PLEKHH2: variants seen among roughly 807,000 people sequenced by gnomAD.
PLEKHH2 encodes the protein pleckstrin homology domain-containing family H member 2.
PLEKHH2 carries 129 observed loss-of-function variants against 187.9 expected under a neutral mutation model. That is an observed-to-expected ratio of 0.69 (90% CI 0.59 to 0.79). The LOEUF (loss-of-function observed/expected upper bound fraction) is 0.79, where lower values mean the gene tolerates loss of function less well. PLEKHH2 is among the 30% of genes least tolerant of loss of function. The probability of loss-of-function intolerance (pLI) is 0.00; values close to 1 mark genes in which losing one functional copy is unlikely to be tolerated. For missense variants in PLEKHH2, 2,076 were observed against 1,751.2 expected (o/e 1.19, Z -3.31); for synonymous variants, 686 against 605.6 (o/e 1.13, Z -1.95).
At chr2:43,730,881 C>G (rs1671004132) in intron 18 of PLEKHH2, among the ~76,000 whole-genome samples, 2 of 152,200 alleles carry the variant, frequency 1.3e-5, no homozygotes, top group South Asian at 4.1e-4. Flanking sequence ...TTGGCTTCTC[C>G]TCTCTAGAGA....
intron 19 of PLEKHH2, among the ~76,000 whole-genome samples, chr2:43,734,053 C>T (rs1671176069): frequency 6.6e-6 from 1 of 152,118 alleles, no homozygotes; most frequent in South Asian, 2.1e-4. Flanking sequence ...TGTCCCAAAG[C>T]ATAGAAAAAG....
At chr2:43,754,519 A>G (rs748744669) in intron 25 of PLEKHH2, among the ~76,000 whole-genome samples, 12 of 152,192 alleles carry the variant, frequency 7.9e-5, no homozygotes, top group East Asian at 3.9e-4. Context: ...GGCCTTGCCT[A>G]CTACCTACCA....
At position 43,700,358 on chromosome 2, in the gene PLEKHH2, G is replaced by T. The variant is rs903639701; in HGVS notation, c.1400G>T (p.Arg467Met). The change falls in exon 8 of 30, where the codon AGG (arginine) becomes ATG (methionine). Residue 467 changes from arginine (R) to methionine (M), a missense_variant. Arg to Met is a moderately conservative substitution (Grantham distance 91). Transcript: ENST00000282406. ...HLSQPQLSSD[R>M]MFGTNRNAIS... is the part of the protein sequence containing the mutation. ...AGCCAGCCACAGTTAAGCTCTGACA[G>T]GATGTTTGGTACAAATAGAAACGCT... 1.2e-6 allele frequency: 2 copies of T among 1,614,026 alleles called. No homozygotes were observed. The highest frequency in any genetic ancestry group is 1.7e-6 in the Non-Finnish European group (2 of 1,180,046).
rs754616492 is a variant in PLEKHH2, at chr2:43,712,328, A to G, written c.2405A>G (p.Asn802Ser). 20 of 1,614,022 alleles carry G rather than the reference A, an allele frequency of 1.2e-5. No homozygotes were observed. In the Admixed American group the frequency reaches 3.2e-4, roughly 26 times the overall value. ...AATGTTCTTCGAGTACAAGCTGCCA[A>G]CCCACTTTCCCTGCAGCCTGAGGGC... Reference protein sequence around the residue: ...LQNVLRVQAANPLSLQPEGKP... With the variant: ...LQNVLRVQAASPLSLQPEGKP... The change falls in exon 15 of 30, where the codon AAC becomes AGC. Residue 802 changes from asparagine (N) to serine (S), a missense_variant. By Grantham distance (46) the Asn-to-Ser change is conservative (BLOSUM62 1). Transcript: ENST00000282406.
chr2:43,668,528 C>T (rs1391323709), intron 2 of PLEKHH2, among the ~76,000 whole-genome samples: 2 of 152,174 alleles, frequency 1.3e-5, no homozygotes, highest in Non-Finnish European at 2.9e-5. Flanking sequence ...TACTATTAGA[C>T]ATACAGGCTA....
intron 1 of PLEKHH2, among the ~76,000 whole-genome samples, chr2:43,639,649 ACT>A (rs1703275398): frequency 8.2e-6 from 1 of 122,632 alleles, no homozygotes; most frequent in Non-Finnish European, 1.7e-5. Flanking sequence ...TGGATGTACC[ACT>A]TTTTTTTTTT....
rs1167382542 is a variant in PLEKHH2 at position 43,762,284 on chromosome 2, G to A, written c.4072-20G>A. ...TTTTGCTTAGTATTTATAATATAGTGTATTTTCACCTCTTCATAGCCCATA... is the reference window on the plus strand; with the variant it reads ...TTTTGCTTAGTATTTATAATATAGTATATTTTCACCTCTTCATAGCCCATA... On this transcript the variant is annotated intron_variant, in intron 27 of 29. Transcript: ENST00000282406. The A allele has an allele frequency of 5.8e-6, 9 of 1,556,956 alleles. No individual in the cohort carries two copies. The African/African-American group carries it at 6.8e-5, about 12-fold the overall frequency.
At chr2:43,746,757 T>A (rs760632847) in intron 24 of PLEKHH2, among the ~76,000 whole-genome samples, 1 of 151,812 alleles carries the variant, frequency 6.6e-6, no homozygotes, top group Non-Finnish European at 1.5e-5. Flanking sequence ...GATCACGAGG[T>A]CAGGAGATCG....
At chr2:43,727,187 G>C (rs1389863676) in intron 17 of PLEKHH2, among the ~76,000 whole-genome samples, 3 of 152,152 alleles carry the variant, frequency 2.0e-5, no homozygotes, top group Admixed American at 6.5e-5. Context: ...GCCGAGGCGG[G>C]TGGATCACAA....
In PLEKHH2 at chr2:43,742,876, G is replaced by A. The variant is rs768738628; in HGVS notation, c.3357G>A (p.Leu1119=). 1.4e-5 allele frequency: 23 copies of A among 1,604,986 alleles called. No individual in the cohort carries two copies. The highest frequency in any genetic ancestry group is 2.0e-5 in the Non-Finnish European group (23 of 1,176,748). The change falls in exon 22 of 30, where the codon TTG becomes TTA. Residue 1119 remains leucine, a synonymous_variant. Transcript: ENST00000282406. The part of the protein sequence containing the change: ...TLLRNPYHHS[L]PFSIPVHFMN... Reference sequence around the variant, plus strand: ...TCCGAAACCCTTATCACCATTCTTTGCCCTTTAGTATACCTGTGCACTTCA... The same window carrying A: ...TCCGAAACCCTTATCACCATTCTTTACCCTTTAGTATACCTGTGCACTTCA...
intron 7 of PLEKHH2, among the ~76,000 whole-genome samples, chr2:43,698,531 G>A (rs920124787): frequency 6.6e-6 from 1 of 152,136 alleles, no homozygotes; most frequent in Admixed American, 6.5e-5. Flanking sequence ...TTACCGGTGT[G>A]AGCCACTGCA....
chr2:43,645,406 G>A (rs148895361), intron 2 of PLEKHH2, among the ~76,000 whole-genome samples: 17 of 152,102 alleles, frequency 1.1e-4, no homozygotes, highest in East Asian at 9.6e-4. Context: ...GTTAGACACC[G>A]TTCTTAATAC....
At chr2:43,678,018 T>C (rs1667942329) in intron 2 of PLEKHH2, among the ~76,000 whole-genome samples, 1 of 148,394 alleles carries the variant, frequency 6.7e-6, no homozygotes, top group African/African-American at 2.5e-5. Flanking sequence ...GCAGAGGGTC[T>C]CCTCACTTCT....
At chr2:43,655,213 GC>G (rs1260898707) in intron 2 of PLEKHH2, among the ~76,000 whole-genome samples, 2 of 151,636 alleles carry the variant, frequency 1.3e-5, no homozygotes, top group Non-Finnish European at 2.9e-5. Flanking sequence ...AATAATAAAG[GC>G]CCGCACAAAT....
At chr2:43,699,471 G>C (rs568372038) in intron 7 of PLEKHH2, among the ~76,000 whole-genome samples, 176 bp from the exon 8 acceptor site, 71 of 152,236 alleles carry the variant, frequency 4.7e-4, no homozygotes, top group African/African-American at 1.7e-3. Flanking sequence ...TTCAGCTCCT[G>C]GGCTCAAGCA....
intron 24 of PLEKHH2, among the ~76,000 whole-genome samples, chr2:43,751,607 A>G (rs558563306): frequency 4.6e-5 from 7 of 152,304 alleles, no homozygotes; most frequent in East Asian, 1.9e-4. Context: ...TGGGTGTCCA[A>G]TGAGGAGGTG....
At position 43,715,406 on chromosome 2, in the gene PLEKHH2, C is replaced by G. The variant is rs151288326; in HGVS notation, c.2460+3023C>G. Among the ~76,000 whole-genome samples the G allele has an allele frequency of 3.5e-3, 531 of 152,270 alleles. 2 individuals carry two copies. The highest frequency in any genetic ancestry group is 0.012 in the African/African-American group (513 of 41,560). On this transcript the variant is annotated intron_variant, in intron 15 of 29. Coordinates refer to ENST00000282406, the MANE Select transcript of PLEKHH2 (RefSeq NM_172069.4). ...TTTTTGTCTTTTTAAGGACTTTGGT[C>G]TTTATCCTGAAGGATATTTGAAACC...
At chr2:43,670,492 T>C (rs1667442512) in intron 2 of PLEKHH2, among the ~76,000 whole-genome samples, 1 of 152,232 alleles carries the variant, frequency 6.6e-6, no homozygotes, top group South Asian at 2.1e-4. Context: ...ATTGATTGCA[T>C]ATTTTAAAGT....
At chr2:43,642,258 T>C (rs574769255) in intron 1 of PLEKHH2, among the ~76,000 whole-genome samples, 1 of 152,198 alleles carries the variant, frequency 6.6e-6, no homozygotes, top group Non-Finnish European at 1.5e-5. Context: ...TATTTTCTTA[T>C]TTTCATTTTT....
Sources: allele counts gnomAD v4.1 joint callset (sites outside exome capture counted in the v4.1 genomes callset), GRCh38; gene constraint gnomAD v4.1.1; transcripts MANE v1.5; gene names NCBI Gene and HGNC (gene_info 2026-07-23, HGNC 2026-07-21).